ZNF483: variants seen among roughly 807,000 people sequenced by gnomAD.
The protein encoded by ZNF483 is zinc finger protein 483, also known as zinc finger protein HIT-10.
A neutral mutation model predicts 28.6 loss-of-function variants in ZNF483; 9 were observed. That is an observed-to-expected ratio of 0.32 (90% CI 0.19 to 0.55). ZNF483 has a LOEUF of 0.55. ZNF483 is among the 20% of genes least tolerant of loss of function. ZNF483 has a pLI of 0.93. For synonymous variants in ZNF483, 322 were observed against 306.2 expected (o/e 1.05, Z -0.54); for missense variants, 675 against 871.7 (o/e 0.77, Z 2.84).
intron 1 of ZNF483, among the ~76,000 whole-genome samples, chr9:111,525,771 C>T (rs1488309937): frequency 6.6e-6 from 1 of 152,066 alleles, no homozygotes; most frequent in African/African-American, 2.4e-5. Context: ...TCGCGGAGCC[C>T]CAGGTGCTCA....
At chr9:111,567,103 T>G (rs1589294949) in intron 5 of ZNF483, among the ~76,000 whole-genome samples, 1 of 148,966 alleles carries the variant, frequency 6.7e-6, no homozygotes, top group Non-Finnish European at 1.5e-5. Context: ...ACAAAAAAAG[T>G]CGGGGGGCGT....
intron 5 of ZNF483, chr9:111,574,149 A>G (rs1233875335): frequency 6.6e-6 from 1 of 152,176 alleles, no homozygotes; most frequent in Admixed American, 6.6e-5. Context: ...TACCAGCCAG[A>G]CCAAGGTGTT....
In ZNF483 at chr9:111,543,761, TTTTC is replaced by T; in HGVS notation, c.*595_*598del. The T allele has an allele frequency of 1.2e-6, 1 of 826,006 alleles. No individual in the cohort carries two copies. Among genetic ancestry groups the T allele is most frequent in the African/African-American group, 1.9e-5 (1 of 51,514 alleles). 51.2% of individuals were successfully genotyped at this position (826,006 alleles called of 1,614,324 possible). ...ACCACTATTCAGGATGCTGGACTTC[TTTTC>T]TTTTTTTTTTCTTTTTTTTTTTTCA... On this transcript the variant is annotated 3_prime_UTR_variant, in exon 6 of 6. Transcript: ENST00000309235.
chr9:111,568,887 G>C (rs1828690033), intron 5 of ZNF483, among the ~76,000 whole-genome samples: 1 of 152,194 alleles, frequency 6.6e-6, no homozygotes, highest in Non-Finnish European at 1.5e-5. Flanking sequence ...TAGCAGGGAG[G>C]TGGGAGAAGT....
At chr9:111,569,997 G>A (rs952715174) in intron 5 of ZNF483, 1 of 1,571,280 alleles carries the variant, frequency 6.4e-7, no homozygotes, top group Non-Finnish European at 8.7e-7. Flanking sequence ...CGATGCGGCA[G>A]AGATGGGGAA....
rs1827773055 is a variant in ZNF483 at position 111,545,005 on chromosome 9, TAGACTC to T, written c.*1838_*1843del. On this transcript the variant is annotated 3_prime_UTR_variant, in exon 6 of 6. Coordinates refer to ENST00000309235, the MANE Select transcript of ZNF483 (RefSeq NM_133464.5). ...GTAAAGCGATCCTTAATGCTAATCT[TAGACTC>T]AGGAACATTTACTGTGACTAATGTA... 6.6e-6 allele frequency among the ~76,000 whole-genome samples: 1 copy of T among 152,192 alleles called. No homozygotes were observed. Among genetic ancestry groups the T allele is most frequent in the Non-Finnish European group, 1.5e-5 (1 of 68,030 alleles).
At chr9:111,526,386 G>C (rs561390482) in intron 1 of ZNF483, among the ~76,000 whole-genome samples, 2 of 152,190 alleles carry the variant, frequency 1.3e-5, no homozygotes, top group South Asian at 4.2e-4. Flanking sequence ...GAACTTTATC[G>C]AGAGACAGTT....
Position 111,541,943 on chromosome 9 carries a change from GA to G in ZNF483, c.1011del (p.Lys337AsnfsTer11). 1 of 1,614,118 alleles carries G rather than the reference GA, an allele frequency of 6.2e-7. No individual in the cohort carries two copies. Among genetic ancestry groups the G allele is most frequent in the Non-Finnish European group, 8.5e-7 (1 of 1,180,034 alleles). On this transcript the variant is annotated frameshift_variant, in exon 6 of 6. Transcript: ENST00000309235. LOFTEE classifies it low-confidence loss of function (END_TRUNC). The stretch of plus-strand genomic sequence containing the variant: ...AATCTCGGAGGTATAATGAAAGCAA[GA>G]AACCCTTCAGTTTTCATTCAGACCT... ...KKSRRYNESKKPFSFHSDLVL... is the reference protein window; with the variant it reads ...KKSRRYNESKXPFSFHSDLVL...
At chr9:111,562,397 T>A (rs1397252512) in intron 5 of ZNF483, among the ~76,000 whole-genome samples, 1 of 151,480 alleles carries the variant, frequency 6.6e-6, no homozygotes, top group Non-Finnish European at 1.5e-5. Context: ...TGTCTCAGCC[T>A]CCCAAGAGGC....
At chr9:111,531,296 T>G (rs1312912502) in intron 3 of ZNF483, among the ~76,000 whole-genome samples, 1 of 152,212 alleles carries the variant, frequency 6.6e-6, no homozygotes, top group East Asian at 1.9e-4. Context: ...TGAGTCTGAT[T>G]GTAATGAAAC....
At chr9:111,534,559 G>T (rs554809542) in intron 5 of ZNF483, among the ~76,000 whole-genome samples, 1 of 152,222 alleles carries the variant, frequency 6.6e-6, no homozygotes, top group East Asian at 1.9e-4. Flanking sequence ...AGCCATGTAA[G>T]ATCTTTACTG....
downstream of ZNF483, among the ~76,000 whole-genome samples, chr9:111,558,266 T>A (rs1721420741): frequency 6.6e-6 from 1 of 152,246 alleles, no homozygotes; most frequent in Non-Finnish European, 1.5e-5. Context: ...TCTGTAATTA[T>A]CATTATCTAC....
rs1462684184 is a variant in ZNF483, at chr9:111,549,690, G to A, written c.*6520G>A. Reference sequence around the variant, plus strand: ...TTCCCCATTGATTTTCTAAATGTTTGTAGTCCTTTTGTAAAGTGGACCCTT... The same window carrying A: ...TTCCCCATTGATTTTCTAAATGTTTATAGTCCTTTTGTAAAGTGGACCCTT... On this transcript the variant is annotated 3_prime_UTR_variant, in exon 6 of 6. Transcript: ENST00000309235. 3.3e-6 allele frequency: 5 copies of A among 1,533,402 alleles called. No individual in the cohort carries two copies. The Admixed American group carries it at 8.3e-5, about 25-fold the overall frequency. 95.0% of individuals were successfully genotyped at this position (1,533,402 alleles called of 1,614,324 possible). A position where few individuals can be genotyped will look rare whatever the true frequency, so the allele number is the denominator to read the frequency against.
Position 111,543,784 on chromosome 9 carries a change from T to G in ZNF483, c.*614T>G. 3.2e-6 allele frequency: 3 copies of G among 947,452 alleles called. No individual in the cohort carries two copies. Among genetic ancestry groups the G allele is most frequent in the Non-Finnish European group, 3.8e-6 (3 of 795,532 alleles). 58.7% of individuals were successfully genotyped at this position (947,452 alleles called of 1,614,324 possible). A position where few individuals can be genotyped will look rare whatever the true frequency, so the allele number is the denominator to read the frequency against. On this transcript the variant is annotated 3_prime_UTR_variant, in exon 6 of 6. Transcript: ENST00000309235. The stretch of plus-strand genomic sequence containing the variant: ...TCTTTTCTTTTTTTTTTCTTTTTTT[T>G]TTTTCAATTTTTCTTTTTTGGGATG...
intron 2 of ZNF483, 121 bp from the exon 3 acceptor site, chr9:111,530,754 G>C (rs1183789342): frequency 1.3e-5 from 1 of 77,196 alleles, no homozygotes; most frequent in African/African-American, 4.9e-5. Context: ...TTATCACTTA[G>C]AAATATATAT....
chr9:111,563,305 C>T, intron 5 of ZNF483: 1 of 1,368,652 alleles, frequency 7.3e-7, no homozygotes, highest in Non-Finnish European at 9.9e-7. Flanking sequence ...ATCCTAGCAA[C>T]AAATTTATCA....
chr9:111,537,800 T>A (rs1323313662), intron 5 of ZNF483, among the ~76,000 whole-genome samples: 1 of 152,146 alleles, frequency 6.6e-6, no homozygotes, highest in Non-Finnish European at 1.5e-5. Context: ...CTAATTTTTG[T>A]ATTTTTTGTA....
At chr9:111,531,347 T>C (rs555908268) in intron 3 of ZNF483, among the ~76,000 whole-genome samples, 5 of 151,438 alleles carry the variant, frequency 3.3e-5, no homozygotes, top group African/African-American at 9.8e-5. Context: ...ACTATTAAAA[T>C]TAGTCAAGTG....
chr9:111,566,324 T>C (rs1380785925), intron 5 of ZNF483, among the ~76,000 whole-genome samples: 2 of 152,196 alleles, frequency 1.3e-5, no homozygotes, highest in Non-Finnish European at 2.9e-5. Context: ...TGATCACAGA[T>C]GGGTTACATT....
Sources: gnomAD v4.1 joint callset for allele counts (sites outside exome capture counted in the v4.1 genomes callset) on GRCh38, gnomAD v4.1.1 for gene constraint, MANE v1.5 for transcripts, NCBI Gene and HGNC (gene_info 2026-07-23, HGNC 2026-07-21) for gene names.